LRP2: variants seen among roughly 807,000 people sequenced by gnomAD.
The protein encoded by LRP2 is low-density lipoprotein receptor-related protein 2.
Under a neutral mutation model 531.0 loss-of-function variants are expected in LRP2, and 172 were observed. The observed-to-expected ratio is 0.32, with a 90% CI of 0.29 to 0.37. The LOEUF is 0.37. LRP2 is among the 10% of genes least tolerant of loss of function. The probability of loss-of-function intolerance (pLI) is 1.00; values close to 1 mark genes in which losing one functional copy is unlikely to be tolerated. For synonymous variants in LRP2, 1,992 were observed against 2,027.6 expected, an observed-to-expected ratio of 0.98 and a Z score of 0.47; for missense variants, 5,167 against 5,868.3, an observed-to-expected ratio of 0.88 and a Z score of 3.90.
At position 169,225,313 on chromosome 2, in the gene LRP2, G is replaced by T. The variant is rs772030872; in HGVS notation, c.5535C>A (p.Ile1845=). 18 of 1,613,374 alleles carry T rather than the reference G, an allele frequency of 1.1e-5. No individual in the cohort carries two copies. In the Admixed American group the frequency reaches 2.7e-4, roughly 24 times the overall value. The change falls in exon 33 of 79, where the codon ATC becomes ATA. Residue 1845 remains isoleucine (I), a synonymous_variant. Transcript: ENST00000649046. ...LYSTNPRTQS[I]EVLTLHGDIR... is the part of the protein sequence containing the mutation. ...AGTAGTATTATGGAATCATTACCTCGATTGACTGAGTTCTAGGATTGGTAG... is the reference window on the plus strand; with the variant it reads ...AGTAGTATTATGGAATCATTACCTCTATTGACTGAGTTCTAGGATTGGTAG...
At position 169,201,728 on chromosome 2, in the gene LRP2, C is replaced by T. The variant is rs200194530; in HGVS notation, c.8352G>A (p.Thr2784=). ...GCLFRDCNAT[T]EFMCNNRRCI... ...ACCTTCTGTTATTGCACATAAACTC[C>T]GTGGTGGCATTGCAGTCCCTGAACA... Residue 2784 remains threonine (T), a synonymous_variant, in exon 44 of 79, where the codon ACG becomes ACA. Coordinates refer to ENST00000649046, the MANE Select transcript of LRP2 (RefSeq NM_004525.3). The T allele has an allele frequency of 5.5e-5, 88 of 1,614,026 alleles. No individual in the cohort carries two copies. Among genetic ancestry groups the T allele is most frequent in the Non-Finnish European group, 6.9e-5 (81 of 1,180,030 alleles).
chr2:169,219,121 CCTT>C (rs1688897203), intron 34 of LRP2, among the ~76,000 whole-genome samples: 4 of 152,254 alleles, frequency 2.6e-5, no homozygotes, highest in African/African-American at 4.8e-5. Context: ...CTAAGACAGT[CCTT>C]CTTCTAGAAA....
chr2:169,311,204 G>T (rs1009720014), intron 3 of LRP2, among the ~76,000 whole-genome samples: 4 of 152,118 alleles, frequency 2.6e-5, no homozygotes, highest in African/African-American at 9.7e-5. Flanking sequence ...ATCTCCTTCA[G>T]TTCTGCTCTG....
At chr2:169,130,824 A>G (rs985959447) in intron 77 of LRP2, among the ~76,000 whole-genome samples, 1 of 152,216 alleles carries the variant, frequency 6.6e-6, no homozygotes, top group Admixed American at 6.5e-5. Flanking sequence ...AAGAGGAGGA[A>G]CCAAGGTATT....
In LRP2 at chr2:169,243,489, T is replaced by A. The variant is rs1398890913; in HGVS notation, c.3464A>T (p.Asn1155Ile). ...GTCAATACATCGATGATTGGGGCAA[T>A]TAAACTGACTAGGTTGGCATGTCTC... Reference protein sequence around the residue: ...STETCQPSQFNCPNHRCIDLS... With the variant: ...STETCQPSQFICPNHRCIDLS... Residue 1155 changes from asparagine (N) to isoleucine (I), a missense_variant, in exon 23 of 79, where the codon AAT becomes ATT. By Grantham distance (149) the Asn-to-Ile change is moderately radical. This residue lies in a region of LRP2 where 2,811 missense variants were observed against 3,058.0 expected (regional missense o/e 0.92). Coordinates refer to ENST00000649046, the MANE Select transcript of LRP2 (RefSeq NM_004525.3). The A allele has an allele frequency of 1.1e-5, 17 of 1,614,050 alleles. No individual in the cohort carries two copies. The highest frequency in any genetic ancestry group is 1.4e-5 in the Non-Finnish European group (17 of 1,180,020).
At chr2:169,269,328 G>T (rs1214192664) in intron 16 of LRP2, among the ~76,000 whole-genome samples, 1 of 152,134 alleles carries the variant, frequency 6.6e-6, no homozygotes, top group African/African-American at 2.4e-5. Context: ...AAAGCTGAAG[G>T]CATCACACTA....
chr2:169,331,334 G>T (rs967542507), intron 1 of LRP2, among the ~76,000 whole-genome samples: 1 of 152,094 alleles, frequency 6.6e-6, no homozygotes, highest in Non-Finnish European at 1.5e-5. Context: ...TCACTTAAGC[G>T]CTCAAACATT....
At chr2:169,281,220 G>A (rs1350158082) in intron 10 of LRP2, among the ~76,000 whole-genome samples, 6 of 152,164 alleles carry the variant, frequency 3.9e-5, no homozygotes, top group Admixed American at 2.6e-4. Context: ...TCAGGAGTTC[G>A]AGATCAGCCT....
chr2:169,293,578 A>G (rs979833030), intron 6 of LRP2, among the ~76,000 whole-genome samples: 2 of 152,142 alleles, frequency 1.3e-5, no homozygotes, highest in African/African-American at 4.8e-5. Context: ...GGGAGGCTGA[A>G]GCAGGAGAAC....
chr2:169,234,491 G>A (rs1320357061), intron 29 of LRP2, among the ~76,000 whole-genome samples: 1 of 152,142 alleles, frequency 6.6e-6, no homozygotes, highest in East Asian at 1.9e-4. Flanking sequence ...CTTTTTTATG[G>A]CTGCATAGTA....
chr2:169,326,352 A>G (rs1316040546), intron 1 of LRP2, among the ~76,000 whole-genome samples: 3 of 151,476 alleles, frequency 2.0e-5, no homozygotes, highest in Admixed American at 1.3e-4. Flanking sequence ...AGTGCCTGCG[A>G]TTGCAGGCGC....
intron 32 of LRP2, among the ~76,000 whole-genome samples, 168 bp downstream of exon 32, chr2:169,226,254 C>A (rs185276163): frequency 1.8e-4 from 27 of 152,200 alleles, no homozygotes; most frequent in Admixed American, 1.0e-3. Flanking sequence ...TTGCTCCAGG[C>A]CAAGCTCACA....
Position 169,320,998 on chromosome 2 carries a change from T to C in LRP2, c.80-114A>G, listed in dbSNP as rs557710043. 1.4e-4 allele frequency: 101 copies of C among 738,358 alleles called. 3 individuals are homozygous for C. Among genetic ancestry groups the C allele is most frequent in the South Asian group, 8.1e-4 (52 of 63,936 alleles). 45.7% of individuals were successfully genotyped at this position (738,358 alleles called of 1,614,324 possible). A position where few individuals can be genotyped will look rare whatever the true frequency, so the allele number is the denominator to read the frequency against. On this transcript the variant is annotated intron_variant, in intron 1 of 78. Transcript: ENST00000649046. ...TCAACTAATTAGATAATCAAAGAAATGCAAATTAGAAAATTAGGTAAACAT... is the reference window on the plus strand; with the variant it reads ...TCAACTAATTAGATAATCAAAGAAACGCAAATTAGAAAATTAGGTAAACAT...
chr2:169,177,717 TA>T, intron 53 of LRP2, 85 bp downstream of exon 53: 2 of 1,178,358 alleles, frequency 1.7e-6, no homozygotes, highest in Non-Finnish European at 2.6e-6. Context: ...AAACTTTTTG[TA>T]AATCACGAAG....
At chr2:169,343,406 C>CA (rs1685616869) in intron 1 of LRP2, among the ~76,000 whole-genome samples, 2 of 152,114 alleles carry the variant, frequency 1.3e-5, no homozygotes, top group African/African-American at 4.8e-5. Context: ...TTCTTTATTT[C>CA]AAAAAATCAC....
rs1384795769 is a variant in LRP2, at chr2:169,233,468, A to G, written c.5041T>C (p.Tyr1681His). The change falls in exon 30 of 79, where the codon TAT (tyrosine) becomes CAT (histidine). Residue 1681 changes from tyrosine to histidine, a missense_variant. Around this residue, in one of 6 missense-constraint regions of LRP2, gnomAD observed 2,811 missense variants for 3,058.0 expected, o/e 0.92. Transcript: ENST00000649046. Reference protein sequence around the residue: ...WHGGNQSVVMYNIQWPLGIVA... With the variant: ...WHGGNQSVVMHNIQWPLGIVA... ...ATCCCAAGGGGCCATTGAATATTAT[A>G]CATTACAACTGACTGGTTCCCTCCA... 1 of 1,614,196 alleles carries G rather than the reference A, an allele frequency of 6.2e-7. No individual in the cohort carries two copies. Among genetic ancestry groups the G allele is most frequent in the Admixed American group, 1.7e-5 (1 of 60,008 alleles).
In LRP2 at chr2:169,205,571, G is replaced by A; in HGVS notation, c.7623C>T (p.Phe2541=). The part of the protein sequence containing the change: ...KIERATLGGN[F]RVPIVNSSLV... ...GACTGCTGTTCACAATGGGTACGCG[G>A]AAGTTTCCTCCCAATGTGGCTCTCT... Residue 2541 remains phenylalanine (F), a synonymous_variant, in exon 41 of 79, where the codon TTC becomes TTT. Coordinates refer to ENST00000649046, the MANE Select transcript of LRP2 (RefSeq NM_004525.3). 1.2e-6 allele frequency: 2 copies of A among 1,614,000 alleles called. No individual in the cohort carries two copies. Among genetic ancestry groups the A allele is most frequent in the Non-Finnish European group, 1.7e-6 (2 of 1,180,000 alleles).
At chr2:169,247,106 T>G in intron 20 of LRP2, 120 bp from the exon 21 acceptor site, 1 of 1,208,580 alleles carries the variant, frequency 8.3e-7, no homozygotes, top group Non-Finnish European at 1.2e-6. Context: ...TACTAAAAAG[T>G]AGCTTCCTCT....
At chr2:169,311,734 A>G (rs1486731506) in intron 3 of LRP2, among the ~76,000 whole-genome samples, 1 of 152,170 alleles carries the variant, frequency 6.6e-6, no homozygotes, top group Non-Finnish European at 1.5e-5. Context: ...TGCAGAGCTG[A>G]GTTCAATTCC....
Sources: gnomAD v4.1 joint callset for allele counts (sites outside exome capture counted in the v4.1 genomes callset) on GRCh38, gnomAD v4.1.1 for gene constraint, gnomAD v4.1.1 regional missense constraint, MANE v1.5 for transcripts, NCBI Gene and HGNC (gene_info 2026-07-23, HGNC 2026-07-21) for gene names.